NRXN3: variants seen among roughly 807,000 people sequenced by gnomAD.
The protein encoded by NRXN3 is neurexin 3, also known as neurexin III.
A neutral mutation model predicts 137.6 loss-of-function variants in NRXN3; 32 were observed. The observed-to-expected ratio is 0.23, with a 90% CI of 0.18 to 0.31. The LOEUF (loss-of-function observed/expected upper bound fraction) is 0.31. Ranked by LOEUF, NRXN3 falls within the 10% of genes least tolerant of loss-of-function variation. The pLI is 1.00. For missense variants in NRXN3, 1,574 were observed against 2,062.5 expected, an observed-to-expected ratio of 0.76 and a Z score of 4.59; for synonymous variants, 798 against 784.5, an observed-to-expected ratio of 1.02 and a Z score of -0.29.
Position 78,573,762 on chromosome 14 carries a change from G to A in NRXN3, c.758-71358G>A, listed in dbSNP as rs554363293. Reference sequence around the variant, plus strand: ...AAGTTTGGGAAATTTGCAGCCTGACGATGCGATAGAAAAGAAAAACCCATT... The same window carrying A: ...AAGTTTGGGAAATTTGCAGCCTGACAATGCGATAGAAAAGAAAAACCCATT... On this transcript the variant is annotated intron_variant, in intron 4 of 20. Coordinates refer to ENST00000335750, the MANE Select transcript of NRXN3 (RefSeq NM_001330195.2). Among the ~76,000 whole-genome samples the A allele has an allele frequency of 1.1e-4, 16 of 152,306 alleles. No homozygotes were observed. The East Asian group carries it at 1.2e-3, about 11-fold the overall frequency.
intron 15 of NRXN3, among the ~76,000 whole-genome samples, chr14:78,995,476 T>C (rs1456825188): frequency 6.6e-6 from 1 of 152,184 alleles, no homozygotes; most frequent in Non-Finnish European, 1.5e-5. Flanking sequence ...AATATCTATG[T>C]TACCTTGGAC....
intron 16 of NRXN3, among the ~76,000 whole-genome samples, chr14:79,592,022 A>G (rs1160919557): frequency 6.6e-6 from 1 of 152,190 alleles, no homozygotes; most frequent in Admixed American, 6.5e-5. Context: ...CCACATCCCT[A>G]TAACAAAGCA....
chr14:79,074,459 G>A (rs921187048), intron 15 of NRXN3: 2 of 152,186 alleles, frequency 1.3e-5, no homozygotes, highest in Non-Finnish European at 1.5e-5. Flanking sequence ...TAGTCATCAT[G>A]AGTACTAAGA....
chr14:78,257,336 C>T (rs761345793), intron 2 of NRXN3, among the ~76,000 whole-genome samples: 18 of 152,182 alleles, frequency 1.2e-4, no homozygotes, highest in Non-Finnish European at 2.2e-4. Flanking sequence ...TGTAATGTAC[C>T]AGTGTGATCC....
At chr14:78,658,415 C>A (rs1441858206) in intron 6 of NRXN3, among the ~76,000 whole-genome samples, 2 of 152,094 alleles carry the variant, frequency 1.3e-5, no homozygotes, top group African/African-American at 4.8e-5. Flanking sequence ...AAATACAAAA[C>A]ACTATACAAA....
intron 16 of NRXN3, among the ~76,000 whole-genome samples, chr14:79,477,650 C>A: frequency 6.6e-6 from 1 of 151,968 alleles, no homozygotes; most frequent in East Asian, 1.9e-4. Context: ...AGATGAAATG[C>A]CCAGCACTTA....
chr14:79,234,497 G>A lies in NRXN3; in HGVS notation c.3263-232724G>A, dbSNP rs535136636. 2.6e-3 allele frequency among the ~76,000 whole-genome samples: 389 copies of A among 150,008 alleles called. 1 individual carries two copies. The highest frequency in any genetic ancestry group is 8.9e-3 in the African/African-American group (364 of 40,762). On this transcript the variant is annotated intron_variant, in intron 15 of 20. Coordinates refer to ENST00000335750, the MANE Select transcript of NRXN3 (RefSeq NM_001330195.2). ...CTCCTGAGGTTCAAGCCATTCTCCC[G>A]CCTCAGCCTCCCGAGTATCTGGGAT...
At chr14:78,832,989 G>A (rs980661374) in intron 10 of NRXN3, among the ~76,000 whole-genome samples, 33 of 152,244 alleles carry the variant, frequency 2.2e-4, no homozygotes, top group Middle Eastern at 6.8e-3. Context: ...ACATCTTTCC[G>A]GGGAAGACAT....
Position 78,419,919 on chromosome 14 carries a change from G to GTA in NRXN3, c.757+122067_757+122068dup, listed in dbSNP as rs1347363504. On this transcript the variant is annotated intron_variant, in intron 4 of 20. Transcript: ENST00000335750. ...AGGACTTTACATGTGTGTGTGTAAT[G>GTA]TATATATATCTGTGTGCACGTGTGT... 2.0e-5 allele frequency among the ~76,000 whole-genome samples: 3 copies of GTA among 151,284 alleles called. No individual in the cohort carries two copies. The East Asian group carries it at 6.0e-4, about 30-fold the overall frequency.
At chr14:78,249,517 G>A (rs2068250414) in intron 2 of NRXN3, among the ~76,000 whole-genome samples, 1 of 152,220 alleles carries the variant, frequency 6.6e-6, no homozygotes, top group African/African-American at 2.4e-5. Context: ...CTGCACTTGG[G>A]GGATGGGACT....
chr14:79,207,787 G>C (rs2067009680), intron 15 of NRXN3, among the ~76,000 whole-genome samples: 1 of 152,132 alleles, frequency 6.6e-6, no homozygotes, highest in African/African-American at 2.4e-5. Flanking sequence ...TGATACAGAG[G>C]ATCCCTATGG....
intron 19 of NRXN3, among the ~76,000 whole-genome samples, chr14:79,719,364 G>A (rs377050735): frequency 2.2e-5 from 2 of 91,474 alleles, no homozygotes; most frequent in Non-Finnish European, 4.6e-5. Context: ...TGTGTATTGT[G>A]TGTATGTGTA....
intron 4 of NRXN3, among the ~76,000 whole-genome samples, chr14:78,397,894 T>A (rs2091644286): frequency 6.6e-6 from 1 of 150,810 alleles, no homozygotes; most frequent in Admixed American, 6.6e-5. Context: ...CATGAGCCAC[T>A]GCCCCTGGCC....
chr14:78,634,845 T>C (rs1308674237), intron 4 of NRXN3, among the ~76,000 whole-genome samples: 1 of 152,182 alleles, frequency 6.6e-6, no homozygotes, highest in Non-Finnish European at 1.5e-5. Context: ...TGTATGTATG[T>C]GTATATATAT....
At chr14:78,666,433 C>A (rs1198050107) in intron 6 of NRXN3, among the ~76,000 whole-genome samples, 1 of 152,100 alleles carries the variant, frequency 6.6e-6, no homozygotes, top group Non-Finnish European at 1.5e-5. Flanking sequence ...CATTGGATGA[C>A]CCATAACTTC....
intron 4 of NRXN3, among the ~76,000 whole-genome samples, chr14:78,466,110 C>G (rs192692255): frequency 6.6e-6 from 1 of 152,114 alleles, no homozygotes. Context: ...ACCTCAGCCT[C>G]CCAAAGTGCT....
chr14:79,358,797 C>T (rs2093580198), intron 15 of NRXN3, among the ~76,000 whole-genome samples: 1 of 152,064 alleles, frequency 6.6e-6, no homozygotes, highest in South Asian at 2.1e-4. Flanking sequence ...TTGACCGTCA[C>T]ATCCTTAGAA....
intron 1 of NRXN3, among the ~76,000 whole-genome samples, chr14:78,218,087 T>C (rs1320215668): frequency 1.3e-5 from 2 of 152,250 alleles, no homozygotes; most frequent in East Asian, 1.9e-4. Context: ...AATATACTTA[T>C]GTGATTTCTT....
intron 14 of NRXN3, among the ~76,000 whole-genome samples, chr14:78,972,668 G>A (rs1278117672): frequency 2.0e-5 from 3 of 152,104 alleles, no homozygotes; most frequent in African/African-American, 7.2e-5. Context: ...GCTCTGAGGA[G>A]GCCGGCTCTG....
Sources: gnomAD v4.1 joint callset for allele counts (sites outside exome capture counted in the v4.1 genomes callset) on GRCh38, gnomAD v4.1.1 for gene constraint, MANE v1.5 for transcripts, NCBI Gene and HGNC (gene_info 2026-07-23, HGNC 2026-07-21) for gene names.